Variants in PEX14 observed in about 807,000 individuals in gnomAD.
PEX14 encodes the protein peroxisomal biogenesis factor 14, also known as peroxisomal membrane protein PEX14.
In PEX14, 15 loss-of-function variants were observed where a neutral mutation model predicts 49.5. The observed-to-expected ratio is 0.30, with a 90% CI of 0.20 to 0.47. The LOEUF is 0.47. PEX14 is among the 20% of genes least tolerant of loss of function. The pLI, the probability that PEX14 is intolerant of heterozygous loss-of-function variation, is 1.00. For missense variants in PEX14, 398 were observed against 494.8 expected (o/e 0.80, Z 1.86); for synonymous variants, 210 against 212.7 (o/e 0.99, Z 0.11).
At chr1:10,485,029 C>T (rs1165716279) in intron 1 of PEX14, among the ~76,000 whole-genome samples, 1 of 151,754 alleles carries the variant, frequency 6.6e-6, no homozygotes, top group Non-Finnish European at 1.5e-5. Flanking sequence ...GAAGGAACAG[C>T]ACAGGGGCAT....
rs150722274 is a variant in PEX14 at position 10,597,255 on chromosome 1, G to A, written c.170-1983G>A. Among the ~76,000 whole-genome samples, 4 of 152,352 alleles carry A rather than the reference G, an allele frequency of 2.6e-5. No individual in the cohort carries two copies. Among genetic ancestry groups the A allele is most frequent in the African/African-American group, 7.2e-5 (3 of 41,592 alleles). ...CGAACCACCAGGTTTATAAAATTCC[G>A]TAGTGTACCAGTGACCATCAGCCTG... is the stretch of plus-strand genomic sequence containing the variant. On this transcript the variant is annotated intron_variant, in intron 3 of 8. Coordinates refer to ENST00000356607, the MANE Select transcript of PEX14 (RefSeq NM_004565.3). This position sits in a 1 kb window ranked among gnomAD's most constrained non-coding sequence, Gnocchi z 5.7.
At chr1:10,479,016 G>A (rs1270407887) in intron 1 of PEX14, among the ~76,000 whole-genome samples, 1 of 151,878 alleles carries the variant, frequency 6.6e-6, no homozygotes, top group Non-Finnish European at 1.5e-5. Flanking sequence ...CTCCCAAAGT[G>A]CTGGGATTAC....
chr1:10,495,220 G>T lies in PEX14; in HGVS notation c.37-54G>T. 1.3e-6 allele frequency: 2 copies of T among 1,588,044 alleles called. No individual in the cohort carries two copies. Among genetic ancestry groups the T allele is most frequent in the South Asian group, 2.2e-5 (2 of 90,380 alleles). ...GAGAACGGAACATCTTTGGTTTTTT[G>T]ATGTCCATTGGGTGGCACTGTGATC... On this transcript the variant is annotated intron_variant, in intron 1 of 8. Transcript: ENST00000356607. This position sits in a 1 kb window ranked among gnomAD's most constrained non-coding sequence, Gnocchi z 4.2.
intron 2 of PEX14, among the ~76,000 whole-genome samples, chr1:10,518,633 A>G (rs769295172): frequency 3.3e-5 from 5 of 152,198 alleles, no homozygotes; most frequent in African/African-American, 4.8e-5. Context: ...TCCAATTCCA[A>G]TTAGATTGAA....
intron 3 of PEX14, among the ~76,000 whole-genome samples, chr1:10,545,405 A>G (rs1315906829): frequency 6.6e-6 from 1 of 152,208 alleles, no homozygotes; most frequent in Non-Finnish European, 1.5e-5. Flanking sequence ...GAAACTTCTC[A>G]ACTGTTTTTG....
At chr1:10,551,185 C>A (rs1311800622) in intron 3 of PEX14, among the ~76,000 whole-genome samples, 3 of 152,168 alleles carry the variant, frequency 2.0e-5, no homozygotes, top group African/African-American at 4.8e-5. Context: ...GCAATCATAT[C>A]ATTTTTTATA....
chr1:10,611,327 A>C (rs1051873271), intron 4 of PEX14, among the ~76,000 whole-genome samples: 2 of 152,238 alleles, frequency 1.3e-5, no homozygotes, highest in African/African-American at 4.8e-5. Context: ...AATAGGCTAA[A>C]GTAGGATTGG....
intron 3 of PEX14, among the ~76,000 whole-genome samples, chr1:10,579,797 G>T (rs1483928206): frequency 2.0e-5 from 3 of 152,038 alleles, no homozygotes; most frequent in African/African-American, 7.2e-5. Context: ...GGTTTTGGTG[G>T]GTTTTGGCCA....
At chr1:10,490,538 C>T (rs147672950) in intron 1 of PEX14, among the ~76,000 whole-genome samples, 127 of 152,166 alleles carry the variant, frequency 8.3e-4, no homozygotes, top group African/African-American at 2.8e-3. Flanking sequence ...CTCTCTCTGC[C>T]GCCGTAGTCT....
rs931076175 is a variant in PEX14, at chr1:10,594,305, G to A, written c.170-4933G>A. 3.9e-5 allele frequency among the ~76,000 whole-genome samples: 6 copies of A among 152,074 alleles called. No homozygotes were observed. The East Asian group carries it at 9.7e-4, about 25-fold the overall frequency. On this transcript the variant is annotated intron_variant, in intron 3 of 8. Transcript: ENST00000356607. ...GCCTCATCTCCTCCCAGAGTGTGCC[G>A]GGGCAGATAACTTAGTTGTTCTGAG...
intron 1 of PEX14, among the ~76,000 whole-genome samples, chr1:10,479,782 C>A (rs924830931): frequency 6.6e-6 from 1 of 152,166 alleles, no homozygotes; most frequent in Admixed American, 6.6e-5. Flanking sequence ...AACTATTGGA[C>A]TTATCACTCC....
chr1:10,628,321 GC>G lies in PEX14; in HGVS notation c.677+961del, dbSNP rs1472732439. On this transcript the variant is annotated intron_variant, in intron 8 of 8. Coordinates refer to ENST00000356607, the MANE Select transcript of PEX14 (RefSeq NM_004565.3). The surrounding 1 kb of genome is among the most constrained non-coding windows in gnomAD (Gnocchi z 4.5). ...CTGTGGGCCATCCTCCTGGGCTGAT[GC>G]CCTAGTGGGCCTTGCATGGGGTGTC... 6.6e-6 allele frequency among the ~76,000 whole-genome samples: 1 copy of G among 152,264 alleles called. No individual in the cohort carries two copies. Among genetic ancestry groups the G allele is most frequent in the African/African-American group, 2.4e-5 (1 of 41,468 alleles).
chr1:10,551,879 G>A (rs528442854), intron 3 of PEX14, among the ~76,000 whole-genome samples: 3 of 152,210 alleles, frequency 2.0e-5, no homozygotes, highest in Non-Finnish European at 4.4e-5. Context: ...GGCTGAGGCA[G>A]GTGTGGAGTT....
chr1:10,586,758 G>A (rs1640504974), intron 3 of PEX14, among the ~76,000 whole-genome samples: 1 of 146,248 alleles, frequency 6.8e-6, no homozygotes, highest in African/African-American at 2.5e-5. Context: ...TCCTGCCTCA[G>A]CCTCCCGAGT....
At chr1:10,572,302 A>G (rs1293003988) in intron 3 of PEX14, among the ~76,000 whole-genome samples, 1 of 152,170 alleles carries the variant, frequency 6.6e-6, no homozygotes, top group Admixed American at 6.5e-5. Context: ...AACTTATACA[A>G]GTAAGGAGGA....
chr1:10,594,133 A>G (rs1192894449), intron 3 of PEX14, among the ~76,000 whole-genome samples: 1 of 152,210 alleles, frequency 6.6e-6, no homozygotes, highest in African/African-American at 2.4e-5. Flanking sequence ...AGAGGCTCTG[A>G]GAGTCCTTAT....
chr1:10,620,922 G>A (rs1343558936), intron 5 of PEX14, among the ~76,000 whole-genome samples: 1 of 152,178 alleles, frequency 6.6e-6, no homozygotes, highest in Non-Finnish European at 1.5e-5. Context: ...AATGTGACAC[G>A]AACGCCAGAG....
Position 10,494,621 on chromosome 1 carries a change from C to G in PEX14, c.37-653C>G, listed in dbSNP as rs528834933. Among the ~76,000 whole-genome samples, 1 of 152,328 alleles carries G rather than the reference C, an allele frequency of 6.6e-6. No homozygotes were observed. Among genetic ancestry groups the G allele is most frequent in the South Asian group, 2.1e-4 (1 of 4,830 alleles). ...AGCCAGGGCCTCGGCCACAGTGCTG[C>G]CTGCTCGCCTGGAGGTTGGTCTGCT... On this transcript the variant is annotated intron_variant, in intron 1 of 8. Coordinates refer to ENST00000356607, the MANE Select transcript of PEX14 (RefSeq NM_004565.3). This position sits in a 1 kb window ranked among gnomAD's most constrained non-coding sequence, Gnocchi z 4.3.
chr1:10,610,372 TAC>T (rs996925845), intron 4 of PEX14, among the ~76,000 whole-genome samples: 15 of 129,072 alleles, frequency 1.2e-4, no homozygotes, highest in South Asian at 2.5e-4. Flanking sequence ...TATATATATA[TAC>T]ACACACACAC....
Sources: gnomAD v4.1 joint callset for allele counts (sites outside exome capture counted in the v4.1 genomes callset) on GRCh38, gnomAD v4.1.1 for gene constraint, Gnocchi (gnomAD v3.1) non-coding constraint, MANE v1.5 for transcripts, NCBI Gene and HGNC (gene_info 2026-07-23, HGNC 2026-07-21) for gene names.